Variants in MTR observed in about 807,000 individuals in gnomAD.
MTR encodes methionine synthase.
In MTR, 84 loss-of-function variants were observed where a neutral mutation model predicts 154.8. The observed-to-expected ratio is 0.54, with a 90% confidence interval of 0.45 to 0.65. The LOEUF (loss-of-function observed/expected upper bound fraction) is 0.65, where lower values mean the gene tolerates loss of function less well. MTR is among the 30% of genes least tolerant of loss of function. The pLI, the probability that MTR is intolerant of heterozygous loss-of-function variation, is 0.00. For missense variants in MTR, 1,275 were observed against 1,570.2 expected, an observed-to-expected ratio of 0.81 and a Z score of 3.18; for synonymous variants, 554 against 553.9, an observed-to-expected ratio of 1.00 and a Z score of 0.00.
chr1:236,848,826 T>C (rs1663735893), intron 15 of MTR, among the ~76,000 whole-genome samples: 1 of 152,200 alleles, frequency 6.6e-6, no homozygotes. Context: ...ACCAAAGTAG[T>C]AAGTGATCAA....
At position 236,897,637 on chromosome 1, in the gene MTR, C is replaced by T; in HGVS notation, c.3791C>T (p.Thr1264Ile). 1 of 1,605,594 alleles carries T rather than the reference C, an allele frequency of 6.2e-7. No homozygotes were observed. Among genetic ancestry groups the T allele is most frequent in the South Asian group, 1.1e-5 (1 of 90,736 alleles). Residue 1264 changes from threonine (T) to isoleucine (I), a missense_variant, in exon 33 of 33, where the codon ACA (threonine) becomes ATA (isoleucine). Transcript: ENST00000366577. Reference sequence around the variant, plus strand: ...CTTGGACCCATTTTGGGATATGATACAGACTAACTTTTTTTTTTTTTTTGC... The same window carrying T: ...CTTGGACCCATTTTGGGATATGATATAGACTAACTTTTTTTTTTTTTTTGC... ...KWLGPILGYD[T>I]D is the part of the protein sequence containing the mutation.
chr1:236,854,072 T>C (rs966472392), intron 18 of MTR, among the ~76,000 whole-genome samples: 1 of 152,250 alleles, frequency 6.6e-6, no homozygotes, highest in African/African-American at 2.4e-5. Flanking sequence ...ATGTTTTCCA[T>C]GTTAGAATCT....
At chr1:236,814,521 C>T (rs1343190322) in intron 6 of MTR, among the ~76,000 whole-genome samples, 2 of 152,130 alleles carry the variant, frequency 1.3e-5, no homozygotes, top group Admixed American at 1.3e-4. Flanking sequence ...GAAATAGAAT[C>T]GAGAGCTAAC....
At chr1:236,815,460 A>C (rs1661532469) in intron 6 of MTR, 144 bp from the exon 7 acceptor site, 1 of 803,446 alleles carries the variant, frequency 1.2e-6, no homozygotes, top group Admixed American at 1.9e-5. Context: ...GTTGTGCCTT[A>C]TAAGGAAGAC....
intron 22 of MTR, among the ~76,000 whole-genome samples, chr1:236,867,885 T>A (rs12087359): frequency 1.3e-5 from 2 of 152,214 alleles, no homozygotes; most frequent in African/African-American, 4.8e-5. Flanking sequence ...GAATTGCTTC[T>A]TACGGCTGAG....
At chr1:236,800,582 T>C (rs1255012595) in intron 1 of MTR, 1 of 737,128 alleles carries the variant, frequency 1.4e-6, no homozygotes, top group Middle Eastern at 6.8e-4. Flanking sequence ...TTAGAAGACA[T>C]TTCCCAACCT....
At chr1:236,874,615 C>A in intron 23 of MTR, 111 bp from the exon 24 acceptor site, 1 of 786,112 alleles carries the variant, frequency 1.3e-6, no homozygotes, top group Non-Finnish European at 2.0e-6. Context: ...CATGTTAGGT[C>A]TTTTGGTCTT....
At chr1:236,797,756 C>T (rs1394816478) in intron 1 of MTR, among the ~76,000 whole-genome samples, 6 of 151,938 alleles carry the variant, frequency 3.9e-5, no homozygotes, top group Admixed American at 1.3e-4. Context: ...GTCAGGAGTT[C>T]GAGACCAGCC....
At chr1:236,802,214 A>G (rs1660735790) in intron 1 of MTR, among the ~76,000 whole-genome samples, 1 of 152,180 alleles carries the variant, frequency 6.6e-6, no homozygotes. Context: ...GGGTGTTGCC[A>G]TTTACAGAAA....
intron 8 of MTR, 128 bp from the exon 9 acceptor site, chr1:236,823,991 A>G: frequency 1.3e-6 from 1 of 796,492 alleles, no homozygotes; most frequent in African/African-American, 1.7e-5. Flanking sequence ...TGGTAGTTGA[A>G]TAAAAGTGCT....
intron 3 of MTR, among the ~76,000 whole-genome samples, chr1:236,807,704 C>T (rs578235042): frequency 1.3e-5 from 2 of 152,216 alleles, no homozygotes; most frequent in South Asian, 2.1e-4. Flanking sequence ...GGCATGTTTC[C>T]AGACACATTA....
chr1:236,842,883 C>T (rs768788914), intron 15 of MTR, among the ~76,000 whole-genome samples: 12 of 151,392 alleles, frequency 7.9e-5, no homozygotes, highest in Admixed American at 3.9e-4. Flanking sequence ...TTCAGGAGTT[C>T]GAGAGTAGCC....
intron 1 of MTR, among the ~76,000 whole-genome samples, chr1:236,799,003 A>G (rs1436046314): frequency 6.6e-6 from 1 of 152,272 alleles, no homozygotes; most frequent in Admixed American, 6.5e-5. Flanking sequence ...AAGGCTAAAA[A>G]TAGTGAACAC....
At chr1:236,839,955 A>G (rs886778997) in intron 15 of MTR, among the ~76,000 whole-genome samples, 1 of 152,206 alleles carries the variant, frequency 6.6e-6, no homozygotes, top group Non-Finnish European at 1.5e-5. Flanking sequence ...TTACATTTAC[A>G]TATGTTTGTC....
In MTR at chr1:236,895,549, A is replaced by G; in HGVS notation, c.3597A>G (p.Thr1199=). ...MWRLADIEQS[T]GIRLTESLAM... is the part of the protein sequence containing the mutation. ...GACTCGCAGACATCGAGCAGTCTAC[A>G]GGTAGGAGCCAGGAGGCTGCGGGTT... Residue 1199 remains threonine (T), a splice_region_variant and synonymous_variant, in exon 31 of 33, where the codon ACA becomes ACG. Coordinates refer to ENST00000366577, the MANE Select transcript of MTR (RefSeq NM_000254.3). The G allele has an allele frequency of 1.3e-6, 2 of 1,567,220 alleles. No homozygotes were observed. The highest frequency in any genetic ancestry group is 2.4e-5 in the East Asian group (1 of 41,992).
chr1:236,831,783 C>A (rs973828304), intron 12 of MTR, among the ~76,000 whole-genome samples, 183 bp from the exon 13 acceptor site: 1 of 152,192 alleles, frequency 6.6e-6, no homozygotes, highest in Non-Finnish European at 1.5e-5. Context: ...TAACAAATAG[C>A]CTTTACTGCA....
chr1:236,885,217 A>C lies in MTR; in HGVS notation c.2773A>C (p.Lys925Gln). The change falls in exon 26 of 33, where the codon AAG becomes CAG. Residue 925 changes from lysine (K) to glutamine (Q), a missense_variant and splice_region_variant. By Grantham distance (53) the Lys-to-Gln change is moderately conservative. Coordinates refer to ENST00000366577, the MANE Select transcript of MTR (RefSeq NM_000254.3). The stretch of plus-strand genomic sequence containing the variant: ...TAGACAGGACCATTATGAGTCTCTC[A>C]AGGTAAGTGGTAGAAACAGATTTTT... ...DIRQDHYESLKERRYLPLSQA... is the reference protein window; with the variant it reads ...DIRQDHYESLQERRYLPLSQA... 2 of 1,563,620 alleles carry C rather than the reference A, an allele frequency of 1.3e-6. No homozygotes were observed. Among genetic ancestry groups the C allele is most frequent in the Non-Finnish European group, 1.8e-6 (2 of 1,134,578 alleles).
At chr1:236,865,038 G>A (rs1210978616) in intron 22 of MTR, among the ~76,000 whole-genome samples, 1 of 152,210 alleles carries the variant, frequency 6.6e-6, no homozygotes, top group Non-Finnish European at 1.5e-5. Context: ...TTAGCTGAGA[G>A]TATTATACTA....
chr1:236,795,681 G>T lies in MTR; in HGVS notation c.-23G>T. 5 of 1,613,948 alleles carry T rather than the reference G, an allele frequency of 3.1e-6. No individual in the cohort carries two copies. Among genetic ancestry groups the T allele is most frequent in the Non-Finnish European group, 4.2e-6 (5 of 1,180,022 alleles). On this transcript the variant is annotated 5_prime_UTR_variant, in exon 1 of 33. Coordinates refer to ENST00000366577, the MANE Select transcript of MTR (RefSeq NM_000254.3). ...GCACGTCTTCTCTGCCGCGCCCTCTGCGCAAGGAGGAGACTCGACAACATG... is the reference window on the plus strand; with the variant it reads ...GCACGTCTTCTCTGCCGCGCCCTCTTCGCAAGGAGGAGACTCGACAACATG...
Sources: gnomAD v4.1 joint callset for allele counts (sites outside exome capture counted in the v4.1 genomes callset) on GRCh38, gnomAD v4.1.1 for gene constraint, MANE v1.5 for transcripts, NCBI Gene and HGNC (gene_info 2026-07-23, HGNC 2026-07-21) for gene names.